The following TMEM114 variants were observed in gnomAD, a reference collection of about 807,000 sequenced individuals.
TMEM114 encodes transmembrane protein 114, also known as claudin-26.
In TMEM114, 6 loss-of-function variants were observed where a neutral mutation model predicts 6.2. That is an observed-to-expected ratio of 0.97 (90% CI 0.53 to 1.91). TMEM114 has a LOEUF of 1.91. Ranked by LOEUF, TMEM114 falls within the 40% of genes most tolerant of loss-of-function variation. The pLI is 0.01. For missense variants in TMEM114, 218 were observed against 158.3 expected, an observed-to-expected ratio of 1.38 and a Z score of -2.02; for synonymous variants, 104 against 73.0, an observed-to-expected ratio of 1.42 and a Z score of -2.16.
downstream of TMEM114, among the ~76,000 whole-genome samples, chr16:8,567,892 T>C (rs1291808183): frequency 6.6e-6 from 1 of 152,198 alleles, no homozygotes; most frequent in Non-Finnish European, 1.5e-5. Context: ...CCCAGCATTG[T>C]AACTGATTTT....
the TMEM114 span, among the ~76,000 whole-genome samples, chr16:8,529,770 C>A: frequency 2.0e-5 from 3 of 152,024 alleles, no homozygotes; most frequent in African/African-American, 7.2e-5. Flanking sequence ...GTCTCACCCC[C>A]AGAAATTCTG....
chr16:8,582,006 C>A (rs1276334438), intron 2 of TMEM114, among the ~76,000 whole-genome samples: 3 of 152,188 alleles, frequency 2.0e-5, no homozygotes, highest in African/African-American at 7.2e-5. Flanking sequence ...TCCCTCACCT[C>A]CTCCACTCTT....
At chr16:8,553,980 G>T (rs934115551) in intron 2 of TMEM114, among the ~76,000 whole-genome samples, 1 of 151,740 alleles carries the variant, frequency 6.6e-6, no homozygotes. Flanking sequence ...CCAGGTTCAA[G>T]CGATTCTCAT....
chr16:8,563,519 G>A (rs1901369168), intron 2 of TMEM114, among the ~76,000 whole-genome samples: 1 of 151,018 alleles, frequency 6.6e-6, no homozygotes, highest in South Asian at 2.1e-4. Context: ...GGAAAAGAGT[G>A]AGTGAATGAG....
At chr16:8,530,318 C>T in the TMEM114 span, among the ~76,000 whole-genome samples, 35 of 152,328 alleles carry the variant, frequency 2.3e-4, 1 homozygote, top group African/African-American at 7.0e-4. Context: ...CCTGGCTCCA[C>T]ATGGCTCTAT....
intron 2 of TMEM114, among the ~76,000 whole-genome samples, chr16:8,553,974 G>T (rs1447197865): frequency 6.6e-6 from 1 of 151,792 alleles, no homozygotes; most frequent in Non-Finnish European, 1.5e-5. Flanking sequence ...TGGCTCCCAG[G>T]TTCAAGCGAT....
At chr16:8,559,301 C>G (rs542470324) in intron 2 of TMEM114, among the ~76,000 whole-genome samples, 2 of 152,358 alleles carry the variant, frequency 1.3e-5, no homozygotes, top group Non-Finnish European at 2.9e-5. Flanking sequence ...CCTCAGCCTC[C>G]CAAAACGCTG....
chr16:8,577,595 T>TG (rs149188675), intron 2 of TMEM114, among the ~76,000 whole-genome samples: 1 of 152,070 alleles, frequency 6.6e-6, no homozygotes, highest in Non-Finnish European at 1.5e-5. Flanking sequence ...TTTTTTGTTT[T>TG]TTTTTTGAGA....
chr16:8,558,506 A>C (rs1901089935), intron 2 of TMEM114, among the ~76,000 whole-genome samples: 1 of 152,198 alleles, frequency 6.6e-6, no homozygotes, highest in African/African-American at 2.4e-5. Flanking sequence ...AACCCAATGT[A>C]ACTTCATCTT....
In TMEM114 at chr16:8,540,187, T is replaced by C. The variant is rs144723904; in HGVS notation, n.213-2361A>G. On this transcript the variant is annotated intron_variant and non_coding_transcript_variant, in intron 2 of 2. Transcript: ENST00000623677. ...TTCAAACATCAGGTTATTGAGTGCA[T>C]ATTTATCAAATTGCTATAAATATAT... is the stretch of plus-strand genomic sequence containing the variant. Among the ~76,000 whole-genome samples, 96 of 152,314 alleles carry C rather than the reference T, an allele frequency of 6.3e-4. 1 individual carries two copies. Among genetic ancestry groups the C allele is most frequent in the Admixed American group, 2.5e-3 (38 of 15,308 alleles).
rs1901220953 is a variant in TMEM114 at position 8,561,862 on chromosome 16, GAGGGAATGAGTGAGT to G, written n.213-24051_213-24037del. Reference sequence around the variant, plus strand: ...TGAGTGAGTGAATGAATGAGTGAGTGAGGGAATGAGTGAGTGAATGAGTGAGTGAATGAGTAAATG... The same window carrying G: ...TGAGTGAGTGAATGAATGAGTGAGTGGAATGAGTGAGTGAATGAGTAAATG... On this transcript the variant is annotated intron_variant and non_coding_transcript_variant, in intron 2 of 2. Coordinates refer to the TMEM114 transcript ENST00000623677. 6.2e-5 allele frequency among the ~76,000 whole-genome samples: 9 copies of G among 145,200 alleles called. No homozygotes were observed. The South Asian group carries it at 1.9e-3, about 30-fold the overall frequency.
intron 2 of TMEM114, among the ~76,000 whole-genome samples, chr16:8,577,557 C>A (rs1901982815): frequency 1.3e-5 from 2 of 151,680 alleles, no homozygotes; most frequent in Admixed American, 6.6e-5. Flanking sequence ...GCAATGTTTT[C>A]TTTTTTCTTT....
At chr16:8,549,099 G>C (rs998087874) in intron 2 of TMEM114, among the ~76,000 whole-genome samples, 3 of 148,442 alleles carry the variant, frequency 2.0e-5, no homozygotes, top group Non-Finnish European at 4.4e-5. Context: ...GGAGAATGGC[G>C]TGAACCCTGG....
At chr16:8,557,184 G>A (rs1413726696) in intron 2 of TMEM114, among the ~76,000 whole-genome samples, 1 of 152,134 alleles carries the variant, frequency 6.6e-6, no homozygotes, top group Non-Finnish European at 1.5e-5. Flanking sequence ...TTCCCTCCTT[G>A]TGAATCAGAA....
chr16:8,540,053 G>T (rs931044990), intron 2 of TMEM114, among the ~76,000 whole-genome samples: 1 of 152,038 alleles, frequency 6.6e-6, no homozygotes, highest in African/African-American at 2.4e-5. Flanking sequence ...CTCGACCTCA[G>T]CCTAAGGTGA....
intron 2 of TMEM114, among the ~76,000 whole-genome samples, chr16:8,562,636 G>A (rs1481840085): frequency 1.3e-5 from 2 of 151,374 alleles, no homozygotes; most frequent in Non-Finnish European, 2.9e-5. Context: ...GAATGAATCA[G>A]TCAGTAAGTG....
intron 2 of TMEM114, among the ~76,000 whole-genome samples, chr16:8,564,264 AT>A (rs1901431824): frequency 9.3e-5 from 1 of 10,754 alleles, no homozygotes; most frequent in Admixed American, 9.7e-4. Flanking sequence ...TGAATGAGTG[AT>A]GAAATAAGTG....
chr16:8,567,754 G>A (rs1163802352), downstream of TMEM114, among the ~76,000 whole-genome samples: 1 of 152,184 alleles, frequency 6.6e-6, no homozygotes, highest in South Asian at 2.1e-4. Context: ...GGCTGAAAAC[G>A]TGTCTCTTGA....
intron 1 of TMEM114, 99 bp from the exon 2 acceptor site, chr16:8,589,392 CCGGGGAGGGCG>C: frequency 5.0e-6 from 2 of 398,556 alleles, no homozygotes; most frequent in Non-Finnish European, 8.8e-6. Flanking sequence ...AGTGCCCCAC[CCGGGGAGGGCG>C]CGGGGAGAGC....
Sources: gnomAD v4.1 joint callset for allele counts (sites outside exome capture counted in the v4.1 genomes callset) on GRCh38, gnomAD v4.1.1 for gene constraint, MANE v1.5 for transcripts, NCBI Gene and HGNC (gene_info 2026-07-23, HGNC 2026-07-21) for gene names.